The following NRG1 variants were observed in gnomAD, a reference collection of about 807,000 sequenced individuals.
NRG1 encodes neuregulin 1, also known as pro-neuregulin-1, membrane-bound isoform.
NRG1 carries 18 observed loss-of-function variants against 63.8 expected under a neutral mutation model. The ratio of observed to expected loss-of-function variants is 0.28; its 90% confidence interval spans 0.19 to 0.42. NRG1 has a LOEUF of 0.42. NRG1 is among the 10% of genes least tolerant of loss of function. The pLI is 1.00. For synonymous variants in NRG1, 302 were observed against 301.3 expected, an observed-to-expected ratio of 1.00 and a Z score of -0.02; for missense variants, 762 against 814.7, an observed-to-expected ratio of 0.94 and a Z score of 0.79.
At chr8:32,768,949 GC>G (rs1426378494), downstream of NRG1, among the ~76,000 whole-genome samples, 4 of 152,074 alleles carry the variant, frequency 2.6e-5, no homozygotes, top group Admixed American at 6.6e-5. Flanking sequence ...TTAAATTGTA[GC>G]TTTTGACTGA....
intron 1 of NRG1, among the ~76,000 whole-genome samples, chr8:32,175,347 T>C (rs1840589624): frequency 6.6e-6 from 1 of 152,152 alleles, no homozygotes; most frequent in Non-Finnish European, 1.5e-5. Flanking sequence ...TAATAAGAAC[T>C]ATCTATGACA....
At chr8:32,711,071 A>G (rs989969886) in intron 5 of NRG1, among the ~76,000 whole-genome samples, 2 of 152,176 alleles carry the variant, frequency 1.3e-5, no homozygotes, top group Admixed American at 6.5e-5. Flanking sequence ...GTTTTTAGCT[A>G]CAAGGTGACA....
chr8:32,368,795 A>G (rs780389505), intron 1 of NRG1, among the ~76,000 whole-genome samples: 1 of 152,230 alleles, frequency 6.6e-6, no homozygotes, highest in Non-Finnish European at 1.5e-5. Flanking sequence ...TTTGTCAAAA[A>G]ATAATTTTAA....
At chr8:32,680,721 T>C (rs1273747733) in intron 5 of NRG1, among the ~76,000 whole-genome samples, 1 of 152,152 alleles carries the variant, frequency 6.6e-6, no homozygotes, top group Non-Finnish European at 1.5e-5. Flanking sequence ...ATGTAACCTG[T>C]GCCGAAGTTT....
At chr8:31,697,370 A>G (rs1307698304) in intron 1 of NRG1, among the ~76,000 whole-genome samples, 1 of 152,168 alleles carries the variant, frequency 6.6e-6, no homozygotes, top group Non-Finnish European at 1.5e-5. Flanking sequence ...CTACCATTTC[A>G]ATTAGTAAAG....
At chr8:32,771,203 T>C (rs1250524154), downstream of NRG1, among the ~76,000 whole-genome samples, 7 of 151,678 alleles carry the variant, frequency 4.6e-5, no homozygotes, top group South Asian at 2.1e-4. Context: ...CTGTAACTCC[T>C]GAGCTCAAGT....
intron 1 of NRG1, among the ~76,000 whole-genome samples, chr8:31,666,271 A>G (rs1209211584): frequency 6.6e-6 from 1 of 152,190 alleles, no homozygotes; most frequent in Admixed American, 6.5e-5. Flanking sequence ...TCTTCAAGTT[A>G]TAAGCTTTGC....
chr8:32,684,503 C>T (rs1402159864), intron 5 of NRG1, among the ~76,000 whole-genome samples: 5 of 152,144 alleles, frequency 3.3e-5, no homozygotes, highest in Non-Finnish European at 5.9e-5. Flanking sequence ...AAATTATTTA[C>T]ACTTTAATGG....
intron 1 of NRG1, among the ~76,000 whole-genome samples, chr8:31,757,579 G>C (rs1817099828): frequency 6.6e-6 from 1 of 152,012 alleles, no homozygotes; most frequent in Admixed American, 6.6e-5. Context: ...CAAGACTCAA[G>C]AAATTACATT....
At chr8:32,480,899 C>T (rs912767786) in intron 1 of NRG1, among the ~76,000 whole-genome samples, 9 of 152,162 alleles carry the variant, frequency 5.9e-5, no homozygotes, top group African/African-American at 2.2e-4. Context: ...ACCAAAACAC[C>T]TCCCACTGGG....
At chr8:31,671,028 G>C (rs996431950) in intron 1 of NRG1, among the ~76,000 whole-genome samples, 6 of 152,046 alleles carry the variant, frequency 3.9e-5, no homozygotes, top group African/African-American at 1.4e-4. Flanking sequence ...TGAATATTTA[G>C]CTCCCACTTA....
intron 1 of NRG1, among the ~76,000 whole-genome samples, chr8:32,045,414 C>G (rs1382353484): frequency 6.6e-6 from 1 of 151,830 alleles, no homozygotes; most frequent in Non-Finnish European, 1.5e-5. Context: ...CTGAGTTGAT[C>G]TATAGATTTA....
chr8:32,772,074 T>G (rs867788684), downstream of NRG1, among the ~76,000 whole-genome samples: 1 of 88,394 alleles, frequency 1.1e-5, no homozygotes, highest in Non-Finnish European at 2.3e-5. Context: ...TATATATATA[T>G]ATATATATAT....
chr8:32,222,508 A>G (rs1845924952), intron 1 of NRG1, among the ~76,000 whole-genome samples: 1 of 152,238 alleles, frequency 6.6e-6, no homozygotes, highest in South Asian at 2.1e-4. Context: ...AGAAAGAAAC[A>G]TAAAGAAATC....
At chr8:31,905,029 TAAA>T (rs74273884) in intron 1 of NRG1, among the ~76,000 whole-genome samples, 2 of 150,920 alleles carry the variant, frequency 1.3e-5, no homozygotes, top group African/African-American at 4.9e-5. Context: ...AAAGTTTTTT[TAAA>T]AAAAAATAAG....
chr8:31,812,500 A>T (rs1466871565), intron 1 of NRG1, among the ~76,000 whole-genome samples: 1 of 151,852 alleles, frequency 6.6e-6, no homozygotes, highest in African/African-American at 2.4e-5. Context: ...ATACCCAATT[A>T]GGGGTTTTTC....
chr8:32,716,480 A>G (rs2919376), intron 5 of NRG1, among the ~76,000 whole-genome samples: 142,416 of 152,214 alleles, frequency 0.94, 67,081 homozygotes, highest in Middle Eastern at 1. Flanking sequence ...TAAAAGAAGC[A>G]GGGGAAGACC....
At chr8:32,394,790 T>G (rs1437036592) in intron 1 of NRG1, among the ~76,000 whole-genome samples, 1 of 152,154 alleles carries the variant, frequency 6.6e-6, no homozygotes, top group African/African-American at 2.4e-5. Flanking sequence ...CCCCTTCCAT[T>G]TGGCAAATCC....
At chr8:32,400,427 A>G (rs1338074707) in intron 1 of NRG1, among the ~76,000 whole-genome samples, 1 of 152,228 alleles carries the variant, frequency 6.6e-6, no homozygotes, top group African/African-American at 2.4e-5. Flanking sequence ...TCCAGAATCT[A>G]TAAGGCACTT....
Sources: gnomAD v4.1 joint callset for allele counts (sites outside exome capture counted in the v4.1 genomes callset) on GRCh38, gnomAD v4.1.1 for gene constraint, MANE v1.5 for transcripts, NCBI Gene and HGNC (gene_info 2026-07-23, HGNC 2026-07-21) for gene names.